PRKD1: variants seen among roughly 807,000 people sequenced by gnomAD.
The protein encoded by PRKD1 is protein kinase D1.
Under a neutral mutation model 95.9 loss-of-function variants are expected in PRKD1, and 63 were observed. The observed-to-expected ratio is 0.66, with a 90% CI of 0.54 to 0.81. PRKD1 has a LOEUF of 0.81. PRKD1 is among the 30% of genes least tolerant of loss of function. The pLI is 0.00. For missense variants in PRKD1, 1,048 were observed against 1,165.3 expected (o/e 0.90, Z 1.47); for synonymous variants, 425 against 423.1 (o/e 1.00, Z -0.05).
chr14:29,903,745 C>A (rs12323416), intron 1 of PRKD1, among the ~76,000 whole-genome samples: 2,734 of 152,164 alleles, frequency 0.018, 93 homozygotes, highest in African/African-American at 0.062. Context: ...ATGAAAAAAG[C>A]CTGTCTATAT....
At chr14:29,878,020 GCCATTAT>G (rs1893364284) in intron 1 of PRKD1, among the ~76,000 whole-genome samples, 1 of 152,100 alleles carries the variant, frequency 6.6e-6, no homozygotes, top group Non-Finnish European at 1.5e-5. Context: ...GTAGCTGGAG[GCCATTAT>G]CCTTGGCAAA....
At chr14:29,625,736 A>C (rs1879575861) in intron 12 of PRKD1, among the ~76,000 whole-genome samples, 2 of 152,152 alleles carry the variant, frequency 1.3e-5, no homozygotes, top group African/African-American at 2.4e-5. Flanking sequence ...ATTACTTTTT[A>C]AATTAAAAAG....
At chr14:29,894,486 G>C (rs1283072270) in intron 1 of PRKD1, among the ~76,000 whole-genome samples, 1 of 152,230 alleles carries the variant, frequency 6.6e-6, no homozygotes, top group Non-Finnish European at 1.5e-5. Flanking sequence ...GGGACATATG[G>C]AGAATATTCT....
chr14:29,867,590 A>G (rs1272288175), intron 1 of PRKD1, among the ~76,000 whole-genome samples: 1 of 152,214 alleles, frequency 6.6e-6, no homozygotes, highest in Non-Finnish European at 1.5e-5. Flanking sequence ...AAGACTCTGA[A>G]ATTTAGGAAA....
chr14:29,628,014 G>C (rs1041492541), intron 11 of PRKD1, among the ~76,000 whole-genome samples: 1 of 152,186 alleles, frequency 6.6e-6, no homozygotes, highest in Non-Finnish European at 1.5e-5. Flanking sequence ...ACAGCTATCA[G>C]GAATTTCCCA....
At chr14:29,846,869 G>C (rs185532516) in intron 1 of PRKD1, among the ~76,000 whole-genome samples, 65 of 152,304 alleles carry the variant, frequency 4.3e-4, no homozygotes, top group Middle Eastern at 3.4e-3. Context: ...CTGGATATGG[G>C]ATAAATGTGA....
chr14:29,825,012 T>C (rs1003480262), intron 1 of PRKD1, among the ~76,000 whole-genome samples: 7 of 152,112 alleles, frequency 4.6e-5, no homozygotes, highest in African/African-American at 1.7e-4. Flanking sequence ...TAATGCTGTA[T>C]TTCATGGAAG....
In PRKD1 at chr14:29,714,424, G is replaced by A. The variant is rs181175005; in HGVS notation, c.403+11112C>T. On this transcript the variant is annotated intron_variant, in intron 2 of 17. Transcript: ENST00000331968. ...CACAATGAGATACCATCTCACACCA[G>A]TTAGAATAGCAATCATTAAAAAGTC... Among the ~76,000 whole-genome samples the A allele has an allele frequency of 1.0e-3, 159 of 152,286 alleles. 2 individuals are homozygous for A. Among genetic ancestry groups the A allele is most frequent in the Non-Finnish European group, 1.6e-3 (108 of 68,028 alleles).
chr14:29,857,213 T>C (rs1892539290), intron 1 of PRKD1, among the ~76,000 whole-genome samples: 1 of 152,202 alleles, frequency 6.6e-6, no homozygotes, highest in Non-Finnish European at 1.5e-5. Context: ...GTCATTGTTA[T>C]TGTCATTGTT....
intron 1 of PRKD1, among the ~76,000 whole-genome samples, chr14:29,908,482 T>A (rs1894574113): frequency 6.6e-6 from 1 of 152,062 alleles, no homozygotes; most frequent in African/African-American, 2.4e-5. Flanking sequence ...AGACGGGGTT[T>A]CACTATGTTG....
At chr14:29,863,327 TAA>T (rs1397826412) in intron 1 of PRKD1, among the ~76,000 whole-genome samples, 1 of 152,182 alleles carries the variant, frequency 6.6e-6, no homozygotes, top group Non-Finnish European at 1.5e-5. Flanking sequence ...ATATCAGATA[TAA>T]AAGTGTTTTG....
intron 16 of PRKD1, among the ~76,000 whole-genome samples, chr14:29,591,455 A>T (rs903744998): frequency 2.6e-5 from 4 of 152,160 alleles, no homozygotes; most frequent in Non-Finnish European, 5.9e-5. Context: ...TCTGGGCTCC[A>T]GAGCAGCGGT....
intron 2 of PRKD1, among the ~76,000 whole-genome samples, chr14:29,669,643 G>A (rs750381185): frequency 2.0e-5 from 3 of 152,216 alleles, no homozygotes; most frequent in Admixed American, 6.5e-5. Flanking sequence ...CAAGGCAGGT[G>A]GATCACCTGA....
At chr14:29,678,623 A>G (rs926603350) in intron 2 of PRKD1, among the ~76,000 whole-genome samples, 2 of 152,214 alleles carry the variant, frequency 1.3e-5, no homozygotes, top group Admixed American at 1.3e-4. Context: ...CAAAAGTTTC[A>G]AACTCAAATT....
chr14:29,701,592 A>AT (rs1230320376), intron 2 of PRKD1, among the ~76,000 whole-genome samples: 4 of 152,148 alleles, frequency 2.6e-5, no homozygotes, highest in South Asian at 2.1e-4. Context: ...TTTACTTGTT[A>AT]TTTTTTTGAA....
chr14:29,687,885 A>T (rs1883977194), intron 2 of PRKD1, among the ~76,000 whole-genome samples: 2 of 152,240 alleles, frequency 1.3e-5, no homozygotes, highest in African/African-American at 4.8e-5. Flanking sequence ...TGTCTTCAAG[A>T]CCAATTCATA....
chr14:29,653,271 A>C (rs1881624275), intron 4 of PRKD1, among the ~76,000 whole-genome samples: 1 of 152,206 alleles, frequency 6.6e-6, no homozygotes, highest in African/African-American at 2.4e-5. Flanking sequence ...TGAGCGATTT[A>C]TTTCCTAATG....
chr14:29,585,015 C>T (rs1391299090), intron 16 of PRKD1, among the ~76,000 whole-genome samples: 2 of 152,098 alleles, frequency 1.3e-5, no homozygotes, highest in African/African-American at 4.8e-5. Flanking sequence ...ATAGAGCCTT[C>T]GCCAATCAAC....
Position 29,622,017 on chromosome 14 carries a change from C to T in PRKD1, c.1905+2135G>A, listed in dbSNP as rs557974742. 4.5e-4 allele frequency among the ~76,000 whole-genome samples: 68 copies of T among 152,138 alleles called. No individual in the cohort carries two copies. In the South Asian group the frequency reaches 0.013, roughly 29 times the overall value. On this transcript the variant is annotated intron_variant, in intron 13 of 17. Transcript: ENST00000331968. ...TTGTCTGCATCTAATATTTTAGAGC[C>T]GTGGTCCCCAACCTTTTTGGCAACA...
Sources: allele counts gnomAD v4.1 joint callset (sites outside exome capture counted in the v4.1 genomes callset), GRCh38; gene constraint gnomAD v4.1.1; transcripts MANE v1.5; gene names NCBI Gene and HGNC (gene_info 2026-07-23, HGNC 2026-07-21).